PSMG4: variants seen among roughly 807,000 people sequenced by gnomAD.
PSMG4 encodes the protein proteasome (prosome, macropain) assembly chaperone 4.
In PSMG4, 10 loss-of-function variants were observed where a neutral mutation model predicts 11.0. That is an observed-to-expected ratio of 0.91 (90% CI 0.56 to 1.54). The LOEUF is 1.54. Ranked by LOEUF, PSMG4 falls within the 40% of genes most tolerant of loss-of-function variation. The pLI is 0.00. For synonymous variants in PSMG4, 95 were observed against 71.3 expected, an observed-to-expected ratio of 1.33 and a Z score of -1.68; for missense variants, 198 against 160.9, an observed-to-expected ratio of 1.23 and a Z score of -1.25.
intron 1 of PSMG4, among the ~76,000 whole-genome samples, chr6:3,259,993 A>G (rs1171396498): frequency 1.3e-5 from 2 of 152,004 alleles, no homozygotes; most frequent in Non-Finnish European, 2.9e-5. Flanking sequence ...AGGCTGGGGT[A>G]CAGTGTCATT....
chr6:3,255,355 A>C, upstream of PSMG4: 15 of 1,443,480 alleles, frequency 1.0e-5, no homozygotes, highest in Non-Finnish European at 1.4e-5. Context: ...GTAGTTGCTT[A>C]ATTTTTCCTG....
intron 2 of PSMG4, 181 bp downstream of exon 2, chr6:3,263,940 C>T: frequency 7.2e-7 from 1 of 1,391,946 alleles, no homozygotes; most frequent in Non-Finnish European, 9.5e-7. Flanking sequence ...TCCATGCTCG[C>T]CTGTCATCAC....
At chr6:3,262,129 C>T (rs1215873430) in intron 1 of PSMG4, among the ~76,000 whole-genome samples, 1 of 152,164 alleles carries the variant, frequency 6.6e-6, no homozygotes, top group African/African-American at 2.4e-5. Flanking sequence ...GGGAAGCTGG[C>T]CTGGGACCTG....
At chr6:3,261,804 G>A (rs1394090483) in intron 1 of PSMG4, among the ~76,000 whole-genome samples, 1 of 152,150 alleles carries the variant, frequency 6.6e-6, no homozygotes, top group Non-Finnish European at 1.5e-5. Context: ...TCCATCTACC[G>A]TCCATGCAGG....
At position 3,267,676 on chromosome 6, in the gene PSMG4, C is replaced by G; in HGVS notation, c.336C>G (p.Ile112Met). 6.4e-7 allele frequency: 1 copy of G among 1,552,212 alleles called. No homozygotes were observed. The highest frequency in any genetic ancestry group is 8.7e-7 in the Non-Finnish European group (1 of 1,147,058). The change falls in exon 3 of 3, where the codon ATC becomes ATG. Residue 112 changes from isoleucine to methionine, a missense_variant. By Grantham distance (10) the Ile-to-Met change is conservative. Transcript: ENST00000438998. ...TCGCATTACTTGTAGAAAACAGGAT[C>G]AAGGAAGAGATGGAGGCTTTCCCCG... is the stretch of plus-strand genomic sequence containing the variant. ...SNFALLVENR[I>M]KEEMEAFPEK...
rs1757982496 is a variant in PSMG4, at chr6:3,261,312, CA to C, written c.174+2117del. 3.9e-5 allele frequency among the ~76,000 whole-genome samples: 6 copies of C among 152,204 alleles called. No homozygotes were observed. The South Asian group carries it at 1.2e-3, about 32-fold the overall frequency. ...CGGCAGCGGAAGAGGCCTGGGGGAC[CA>C]GGGGTGATGGGTGGGGCTGTGTGCT... On this transcript the variant is annotated intron_variant, in intron 1 of 2. Transcript: ENST00000438998.
chr6:3,259,610 T>C (rs1158550064), intron 1 of PSMG4, among the ~76,000 whole-genome samples: 1 of 152,226 alleles, frequency 6.6e-6, no homozygotes, highest in Admixed American at 6.5e-5. Flanking sequence ...CATCAGGCTC[T>C]CTTCTCCAAA....
upstream of PSMG4, chr6:3,255,262 C>T (rs1031329359): frequency 4.5e-6 from 7 of 1,546,148 alleles, no homozygotes; most frequent in South Asian, 2.4e-5. Context: ...TTCTGTGTTA[C>T]CACGGCTGTC....
intron 1 of PSMG4, 138 bp downstream of exon 1, chr6:3,259,334 T>A (rs1757881733): frequency 4.9e-6 from 4 of 818,442 alleles, no homozygotes; most frequent in Non-Finnish European, 6.5e-6. Context: ...GTGGGATGTC[T>A]TAGGAAGCCC....
chr6:3,267,106 C>G (rs552135473), intron 2 of PSMG4: 1 of 152,622 alleles, frequency 6.6e-6, no homozygotes, highest in African/African-American at 2.4e-5. Context: ...CCACCCGTCT[C>G]GGCCTCCCAA....
chr6:3,255,012 G>C (rs532721324), upstream of PSMG4: 52 of 1,544,740 alleles, frequency 3.4e-5, no homozygotes, highest in Non-Finnish European at 4.4e-5. Flanking sequence ...TCCCATGTGG[G>C]AGCGCTGGGA....
chr6:3,259,211 G>A lies in PSMG4; in HGVS notation c.174+15G>A. On this transcript the variant is annotated intron_variant, in intron 1 of 2. Coordinates refer to ENST00000438998, the MANE Select transcript of PSMG4 (RefSeq NM_001128591.2). ...GCAGCCGCTACGTGAGTGCCTGGCG[G>A]CCGAGGGTGCGGGCGGCGGGGCGGG... The A allele has an allele frequency of 7.8e-7, 1 of 1,281,052 alleles. No individual in the cohort carries two copies. Among genetic ancestry groups the A allele is most frequent in the Non-Finnish European group, 9.8e-7 (1 of 1,015,644 alleles). The allele number at this position is 1,281,052 out of a possible 1,614,324, so 79.4% of individuals were successfully genotyped here. A position where few individuals can be genotyped will look rare whatever the true frequency, so the allele number is the denominator to read the frequency against.
chr6:3,256,231 A>G (rs1490082717), upstream of PSMG4, among the ~76,000 whole-genome samples: 1 of 152,268 alleles, frequency 6.6e-6, no homozygotes, highest in South Asian at 2.1e-4. Flanking sequence ...GATAGCTCCT[A>G]CCCTATAGGG....
intron 2 of PSMG4, chr6:3,264,681 G>A (rs4579401): frequency 0.2 from 37,129 of 185,638 alleles, 7,332 homozygotes; most frequent in African/African-American, 0.55. Flanking sequence ...TTGGAGGTGG[G>A]GACCTGACTT....
At chr6:3,256,636 G>A (rs1359102653), upstream of PSMG4, among the ~76,000 whole-genome samples, 1 of 152,228 alleles carries the variant, frequency 6.6e-6, no homozygotes. Context: ...TCAGCCGCCT[G>A]ACCATCCATT....
intron 1 of PSMG4, among the ~76,000 whole-genome samples, chr6:3,260,555 G>A (rs1429058795): frequency 6.6e-6 from 1 of 152,062 alleles, no homozygotes; most frequent in Non-Finnish European, 1.5e-5. Flanking sequence ...CCAAAGGCAA[G>A]CAAGTCCCTT....
chr6:3,264,106 T>G (rs775534209), intron 2 of PSMG4: 10 of 1,505,884 alleles, frequency 6.6e-6, no homozygotes, highest in Non-Finnish European at 7.1e-6. Context: ...GGGTGGTGGC[T>G]CAAGGTAGCC....
At chr6:3,254,660 C>T (rs138525596), upstream of PSMG4, among the ~76,000 whole-genome samples, 503 of 152,200 alleles carry the variant, frequency 3.3e-3, 4 homozygotes, top group African/African-American at 0.011. Context: ...AGCTTTGTTC[C>T]TTCAAGCTGC....
At chr6:3,258,895 C>G (rs1286822647), upstream of PSMG4, 10 of 953,322 alleles carry the variant, frequency 1.0e-5, no homozygotes, top group Middle Eastern at 3.7e-4. Context: ...ACGCCCCTCA[C>G]CCCCGCCCTT....
Sources: allele counts gnomAD v4.1 joint callset (sites outside exome capture counted in the v4.1 genomes callset), GRCh38; gene constraint gnomAD v4.1.1; transcripts MANE v1.5; gene names NCBI Gene and HGNC (gene_info 2026-07-23, HGNC 2026-07-21).